PTPN14: variants seen among roughly 807,000 people sequenced by gnomAD.
PTPN14 encodes the protein tyrosine-protein phosphatase non-receptor type 14.
PTPN14 carries 53 observed loss-of-function variants against 126.8 expected under a neutral mutation model. The ratio of observed to expected loss-of-function variants is 0.42; its 90% CI spans 0.34 to 0.53. The LOEUF (loss-of-function observed/expected upper bound fraction) is 0.53. Ranked by LOEUF, PTPN14 falls within the 20% of genes least tolerant of loss-of-function variation. PTPN14 has a pLI of 0.08. For synonymous variants in PTPN14, 630 were observed against 599.3 expected (o/e 1.05, Z -0.75); for missense variants, 1,257 against 1,552.9 (o/e 0.81, Z 3.20).
chr1:214,478,790 C>T (rs1056964016), intron 1 of PTPN14, among the ~76,000 whole-genome samples: 2 of 152,080 alleles, frequency 1.3e-5, no homozygotes, highest in Non-Finnish European at 2.9e-5. Context: ...CATAACCTGG[C>T]CAAAGTTCCA....
intron 2 of PTPN14, among the ~76,000 whole-genome samples, chr1:214,458,092 C>A (rs1416446357): frequency 6.6e-6 from 1 of 152,132 alleles, no homozygotes; most frequent in East Asian, 1.9e-4. Context: ...CTCTGTCACC[C>A]AGGCTGGAGT....
chr1:214,357,920 G>A lies in PTPN14; in HGVS notation c.*2C>T. 6.2e-7 allele frequency: 1 copy of A among 1,612,156 alleles called. No individual in the cohort carries two copies. Among genetic ancestry groups the A allele is most frequent in the Non-Finnish European group, 8.5e-7 (1 of 1,178,950 alleles). On this transcript the variant is annotated 3_prime_UTR_variant, in exon 19 of 19. Transcript: ENST00000366956. Reference sequence around the variant, plus strand: ...CCTCCTCCAGGAGCTGGATTGGGGTGATTAAATGAGTCTGGAGTTTTGGAG... The same window carrying A: ...CCTCCTCCAGGAGCTGGATTGGGGTAATTAAATGAGTCTGGAGTTTTGGAG...
At chr1:214,365,234 C>T (rs1040032971) in intron 17 of PTPN14, among the ~76,000 whole-genome samples, 30 of 152,114 alleles carry the variant, frequency 2.0e-4, no homozygotes, top group African/African-American at 7.0e-4. Context: ...ATGGATTCCA[C>T]GGGGCTATGT....
chr1:214,433,003 A>C (rs1659828632), intron 3 of PTPN14, among the ~76,000 whole-genome samples: 1 of 152,066 alleles, frequency 6.6e-6, no homozygotes, highest in South Asian at 2.1e-4. Context: ...TCCCAGGTTC[A>C]CACCATTCTC....
chr1:214,524,724 T>C (rs139549815), intron 1 of PTPN14, among the ~76,000 whole-genome samples: 21 of 152,074 alleles, frequency 1.4e-4, no homozygotes, highest in Middle Eastern at 6.8e-3. Context: ...AGACAACATA[T>C]CTCCTGTGAA....
At chr1:214,520,066 AT>A (rs1168309565) in intron 1 of PTPN14, among the ~76,000 whole-genome samples, 820 of 20,448 alleles carry the variant, frequency 0.04, 7 homozygotes, top group African/African-American at 0.13. Flanking sequence ...AAAAAAAAAA[AT>A]ATATATATAT....
At chr1:214,476,956 A>G (rs2102670087) in intron 1 of PTPN14, among the ~76,000 whole-genome samples, 1 of 152,358 alleles carries the variant, frequency 6.6e-6, no homozygotes, top group South Asian at 2.1e-4. Flanking sequence ...TAAATACCAC[A>G]GCTGTAAAAA....
chr1:214,459,080 C>T (rs1660449056), intron 2 of PTPN14, among the ~76,000 whole-genome samples: 1 of 152,036 alleles, frequency 6.6e-6, no homozygotes, highest in Admixed American at 6.6e-5. Context: ...ATCTCATGAC[C>T]TCTTGCCAGG....
chr1:214,397,655 CT>C, intron 8 of PTPN14, among the ~76,000 whole-genome samples: 1 of 152,318 alleles, frequency 6.6e-6, no homozygotes, highest in East Asian at 1.9e-4. Flanking sequence ...TTCAACCAGA[CT>C]CACGAAGTTT....
At chr1:214,475,067 T>A (rs1013403994) in intron 1 of PTPN14, among the ~76,000 whole-genome samples, 1 of 152,220 alleles carries the variant, frequency 6.6e-6, no homozygotes, top group African/African-American at 2.4e-5. Flanking sequence ...TTGACAGTTC[T>A]TGAAGGTGGG....
chr1:214,390,462 T>C (rs1335645787), intron 11 of PTPN14, among the ~76,000 whole-genome samples: 1 of 152,192 alleles, frequency 6.6e-6, no homozygotes, highest in East Asian at 1.9e-4. Flanking sequence ...TGGAAGTGCT[T>C]TGGAATTCTG....
chr1:214,501,061 A>G (rs1654677486), intron 1 of PTPN14, among the ~76,000 whole-genome samples: 1 of 152,242 alleles, frequency 6.6e-6, no homozygotes, highest in Non-Finnish European at 1.5e-5. Context: ...GATAGGCTGT[A>G]CAATTTTAAG....
intron 1 of PTPN14, among the ~76,000 whole-genome samples, chr1:214,488,530 G>A (rs1054762428): frequency 9.2e-5 from 14 of 152,182 alleles, no homozygotes; most frequent in African/African-American, 3.1e-4. Flanking sequence ...GAAATAGCAT[G>A]CTGTCATAAG....
At chr1:214,511,875 T>C (rs1467786727) in intron 1 of PTPN14, among the ~76,000 whole-genome samples, 1 of 152,184 alleles carries the variant, frequency 6.6e-6, no homozygotes, top group Admixed American at 6.5e-5. Flanking sequence ...CTTGAGGATA[T>C]TATGCTGAGT....
intron 3 of PTPN14, among the ~76,000 whole-genome samples, chr1:214,443,360 A>G (rs1382205990): frequency 6.6e-6 from 1 of 152,160 alleles, no homozygotes; most frequent in African/African-American, 2.4e-5. Context: ...CAATTCCTGC[A>G]AGGATTTCCC....
chr1:214,433,852 G>C (rs1349912267), intron 3 of PTPN14, among the ~76,000 whole-genome samples: 1 of 150,652 alleles, frequency 6.6e-6, no homozygotes, highest in African/African-American at 2.5e-5. Flanking sequence ...ACTTTGAGAG[G>C]CTGAGGCAGG....
chr1:214,546,631 A>T (rs1447927007), intron 1 of PTPN14, among the ~76,000 whole-genome samples: 1 of 152,188 alleles, frequency 6.6e-6, no homozygotes, highest in Admixed American at 6.5e-5. Context: ...ACGATGCTAC[A>T]TCACCAAAGG....
rs1381793450 is a variant in PTPN14, at chr1:214,391,054, A to C, written c.930-9T>G. ...GTGGAGAATTTGACTGTCTACATGA[A>C]GAGGTGAAAAAATGAGAATGGTTAT... On this transcript the variant is annotated splice_polypyrimidine_tract_variant and intron_variant, in intron 10 of 18. Transcript: ENST00000366956. The C allele has an allele frequency of 6.4e-7, 1 of 1,568,086 alleles. No individual in the cohort carries two copies. Among genetic ancestry groups the C allele is most frequent in the Non-Finnish European group, 8.7e-7 (1 of 1,148,864 alleles).
intron 3 of PTPN14, among the ~76,000 whole-genome samples, chr1:214,447,713 G>A (rs1023123363): frequency 4.6e-5 from 7 of 152,054 alleles, no homozygotes; most frequent in Admixed American, 6.6e-5. Flanking sequence ...ACATACTCAC[G>A]CACAGACAAA....
Sources: allele counts gnomAD v4.1 joint callset (sites outside exome capture counted in the v4.1 genomes callset), GRCh38; gene constraint gnomAD v4.1.1; transcripts MANE v1.5; gene names NCBI Gene and HGNC (gene_info 2026-07-23, HGNC 2026-07-21).